Variants in ST3GAL6 observed in about 807,000 individuals in gnomAD.
ST3GAL6 encodes the protein ST3 beta-galactoside alpha-2,3-sialyltransferase 6, also known as type 2 lactosamine alpha-2,3-sialyltransferase.
A neutral mutation model predicts 40.5 loss-of-function variants in ST3GAL6; 31 were observed. The ratio of observed to expected loss-of-function variants is 0.77; its 90% CI spans 0.58 to 1.03. The LOEUF (loss-of-function observed/expected upper bound fraction) is 1.03, where lower values mean the gene tolerates loss of function less well. Ranked by LOEUF, ST3GAL6 falls within the 50% of genes least tolerant of loss-of-function variation. The probability of loss-of-function intolerance (pLI) is 0.00; values close to 1 mark genes in which losing one functional copy is unlikely to be tolerated. For synonymous variants in ST3GAL6, 129 were observed against 136.9 expected (o/e 0.94, Z 0.40); for missense variants, 357 against 393.2 (o/e 0.91, Z 0.78).
In ST3GAL6 at chr3:98,791,907, C is replaced by T. The variant is rs1175080452; in HGVS notation, c.823C>T (p.His275Tyr). ...TLAFYICHEVHLAGFKYNFSD... is the reference protein window; with the variant it reads ...TLAFYICHEVYLAGFKYNFSD... ...GGCGTTTTACATATGTCACGAAGTT[C>T]ACCTAGCTGGTTTTAAATACAACTT... Residue 275 changes from histidine (H) to tyrosine (Y), a missense_variant, in exon 9 of 10, where the codon CAC (histidine) becomes TAC (tyrosine). Physicochemically the swap from His to Tyr is moderately conservative, Grantham distance 83. Transcript: ENST00000483910. 2 of 1,613,934 alleles carry T rather than the reference C, an allele frequency of 1.2e-6. No homozygotes were observed. The highest frequency in any genetic ancestry group is 2.7e-5 in the African/African-American group (2 of 74,924).
Position 98,754,324 on chromosome 3 carries a change from C to T in ST3GAL6, c.-11-14106C>T, listed in dbSNP as rs564442370. Among the ~76,000 whole-genome samples, 120 of 152,324 alleles carry T rather than the reference C, an allele frequency of 7.9e-4. 1 individual carries two copies. The South Asian group carries it at 0.011, about 14-fold the overall frequency. ...TTCCAGATTGTAGTGGAGGAAGAAA[C>T]TGCAGATTGATGGGAATAGCAAGAG... On this transcript the variant is annotated intron_variant, in intron 1 of 9. Transcript: ENST00000265261.
At chr3:98,771,220 A>G (rs1303663514) in intron 3 of ST3GAL6, 1 of 1,286,538 alleles carries the variant, frequency 7.8e-7, no homozygotes, top group Non-Finnish European at 1.0e-6. Context: ...TTTGTGTTTG[A>G]TTATAAAAAA....
At chr3:98,767,578 C>T (rs1008581051) in intron 1 of ST3GAL6, among the ~76,000 whole-genome samples, 7 of 152,112 alleles carry the variant, frequency 4.6e-5, no homozygotes, top group Admixed American at 6.5e-5. Context: ...AAGTCACAGG[C>T]GTTGAAATAG....
chr3:98,782,736 AT>A (rs1316582762), intron 5 of ST3GAL6: 8 of 496,386 alleles, frequency 1.6e-5, no homozygotes, highest in African/African-American at 1.6e-4. Context: ...GTGTCCATAG[AT>A]CATGTTCAGC....
At chr3:98,791,036 A>G (rs978971439) in intron 8 of ST3GAL6, among the ~76,000 whole-genome samples, 3 of 152,130 alleles carry the variant, frequency 2.0e-5, no homozygotes, top group Non-Finnish European at 4.4e-5. Context: ...TGTAATTTCA[A>G]TGGGAACTAT....
chr3:98,791,607 G>A (rs1941212406), intron 8 of ST3GAL6, among the ~76,000 whole-genome samples: 2 of 152,080 alleles, frequency 1.3e-5, no homozygotes, highest in Admixed American at 1.3e-4. Context: ...TAATACCACA[G>A]CTATATTTTA....
chr3:98,735,745 TA>T (rs1402217301), intron 1 of ST3GAL6, among the ~76,000 whole-genome samples: 2 of 152,242 alleles, frequency 1.3e-5, no homozygotes, highest in African/African-American at 4.8e-5. Context: ...CCTTAGGGGT[TA>T]AAATGGATTT....
intron 1 of ST3GAL6, among the ~76,000 whole-genome samples, chr3:98,745,339 T>C (rs187722671): frequency 1.5e-4 from 23 of 152,292 alleles, no homozygotes; most frequent in Non-Finnish European, 2.6e-4. Flanking sequence ...TGTGAACTTA[T>C]CTGTTTTTTA....
chr3:98,753,552 C>T (rs921128108), intron 1 of ST3GAL6, among the ~76,000 whole-genome samples: 5 of 152,248 alleles, frequency 3.3e-5, no homozygotes, highest in African/African-American at 1.2e-4. Flanking sequence ...AAGTCAATGC[C>T]TGGCTTCAAA....
At chr3:98,742,699 T>C (rs828592) in intron 1 of ST3GAL6, among the ~76,000 whole-genome samples, 16,237 of 151,506 alleles carry the variant, frequency 0.11, 1,126 homozygotes, top group Middle Eastern at 0.17. Context: ...TCTTTCTTTT[T>C]TTTTTTTTTT....
chr3:98,772,919 CAGT>C lies in ST3GAL6; in HGVS notation c.271+11_271+13del. ...GCCCTATGGGATGAGAACATCAGGT[CAGT>C]AGTAGTATTCTTACCTGGTTCTGTT... On this transcript the variant is annotated splice_donor_5th_base_variant and intron_variant, in intron 4 of 9. Coordinates refer to ENST00000483910, the MANE Select transcript of ST3GAL6 (RefSeq NM_001323368.2). 1 of 1,573,372 alleles carries C rather than the reference CAGT, an allele frequency of 6.4e-7. No homozygotes were observed. The highest frequency in any genetic ancestry group is 8.7e-7 in the Non-Finnish European group (1 of 1,143,782).
chr3:98,733,567 A>T (rs1449125892), intron 1 of ST3GAL6: 1 of 985,396 alleles, frequency 1.0e-6, no homozygotes, highest in Non-Finnish European at 1.2e-6. Flanking sequence ...ACAAGCTCCG[A>T]GGCAGTTTAG....
At chr3:98,779,021 G>A (rs763170666) in intron 5 of ST3GAL6, among the ~76,000 whole-genome samples, 6 of 152,136 alleles carry the variant, frequency 3.9e-5, no homozygotes, top group Non-Finnish European at 7.4e-5. Context: ...TGGTGCTCCC[G>A]GACATTGGAC....
chr3:98,765,008 T>C (rs1938179444), intron 1 of ST3GAL6, among the ~76,000 whole-genome samples: 1 of 152,226 alleles, frequency 6.6e-6, no homozygotes, highest in Non-Finnish European at 1.5e-5. Context: ...GCAGTGATTC[T>C]CAAAATTTTA....
rs973809341 is a variant in ST3GAL6, at chr3:98,747,503, C to T, written c.-12+14971C>T. The stretch of plus-strand genomic sequence containing the variant: ...TCTAAAGTATTTCTAGCAATTTGTA[C>T]GATTCACTAGCTTAGTAAACTGTTT... On this transcript the variant is annotated intron_variant, in intron 1 of 9. Coordinates refer to the ST3GAL6 transcript ENST00000265261. 3.4e-4 allele frequency among the ~76,000 whole-genome samples: 51 copies of T among 152,070 alleles called. 1 individual carries two copies. Among genetic ancestry groups the T allele is most frequent in the African/African-American group, 5.3e-4 (22 of 41,414 alleles).
Position 98,772,921 on chromosome 3 carries a change from G to A in ST3GAL6, c.271+5G>A. The A allele has an allele frequency of 1.3e-6, 2 of 1,577,460 alleles. No homozygotes were observed. Among genetic ancestry groups the A allele is most frequent in the Non-Finnish European group, 1.7e-6 (2 of 1,147,884 alleles). On this transcript the variant is annotated splice_donor_5th_base_variant and intron_variant, in intron 4 of 9. Coordinates refer to ENST00000483910, the MANE Select transcript of ST3GAL6 (RefSeq NM_001323368.2). ...CCTATGGGATGAGAACATCAGGTCA[G>A]TAGTAGTATTCTTACCTGGTTCTGT...
intron 5 of ST3GAL6, among the ~76,000 whole-genome samples, chr3:98,781,863 C>T (rs1940162550): frequency 6.6e-6 from 1 of 152,212 alleles, no homozygotes; most frequent in African/African-American, 2.4e-5. Flanking sequence ...GCCATGCCTT[C>T]CCCAGTGCCC....
intron 1 of ST3GAL6, chr3:98,732,943 G>A: frequency 3.3e-6 from 5 of 1,512,212 alleles, no homozygotes; most frequent in Non-Finnish European, 3.5e-6. Context: ...GCGCCTCTGC[G>A]GTCGTCGCTC....
intron 8 of ST3GAL6, among the ~76,000 whole-genome samples, chr3:98,791,150 C>T (rs1941172123): frequency 1.3e-5 from 2 of 152,290 alleles, no homozygotes; most frequent in South Asian, 4.1e-4. Context: ...AAAGCCAAGA[C>T]CCTCTTGTCA....
Sources: gnomAD v4.1 joint callset for allele counts (sites outside exome capture counted in the v4.1 genomes callset) on GRCh38, gnomAD v4.1.1 for gene constraint, MANE v1.5 for transcripts, NCBI Gene and HGNC (gene_info 2026-07-23, HGNC 2026-07-21) for gene names.